Variants in POLR1C observed in about 807,000 individuals in gnomAD.
The protein encoded by POLR1C is DNA-directed RNA polymerases I and III subunit RPAC1.
POLR1C carries 42 observed loss-of-function variants against 38.3 expected under a neutral mutation model. The ratio of observed to expected loss-of-function variants is 1.10; its 90% confidence interval spans 0.86 to 1.42. POLR1C has a LOEUF of 1.42. Among genes scored for constraint, POLR1C ranks in the 40% most tolerant of loss-of-function variants. The pLI is 0.00. For synonymous variants in POLR1C, 163 were observed against 163.9 expected, an observed-to-expected ratio of 0.99 and a Z score of 0.04; for missense variants, 507 against 450.5, an observed-to-expected ratio of 1.13 and a Z score of -1.14.
At chr6:43,536,658 G>A (rs1794341230) in intron 9 of POLR1C, among the ~76,000 whole-genome samples, 1 of 149,502 alleles carries the variant, frequency 6.7e-6, no homozygotes, top group Non-Finnish European at 1.5e-5. Context: ...TACTCAGGAG[G>A]CTGAGGTAGG....
chr6:43,517,890 G>C (rs1447945404), intron 2 of POLR1C, among the ~76,000 whole-genome samples: 1 of 152,106 alleles, frequency 6.6e-6, no homozygotes, highest in East Asian at 1.9e-4. Context: ...ATAGATTACT[G>C]AATGTTACCG....
chr6:43,524,556 C>T (rs1793425745), downstream of POLR1C: 1 of 1,613,998 alleles, frequency 6.2e-7, no homozygotes, highest in Non-Finnish European at 8.5e-7. Flanking sequence ...TAAAAGCTTG[C>T]AGTCAAACTG....
chr6:43,526,615 G>A, intron 8 of POLR1C: 1 of 1,569,122 alleles, frequency 6.4e-7, no homozygotes. Flanking sequence ...CAAGGAAACT[G>A]ACCTGGTTCA....
chr6:43,530,673 CTT>C, downstream of POLR1C: 1 of 1,611,130 alleles, frequency 6.2e-7, no homozygotes, highest in African/African-American at 1.3e-5. Context: ...TATGTAGAGA[CTT>C]TTGAAAGGAT....
At chr6:43,527,649 C>G in intron 8 of POLR1C, 1 of 1,613,998 alleles carries the variant, frequency 6.2e-7, no homozygotes. Flanking sequence ...AGGTCCATGA[C>G]TTCTCGGGTT....
In POLR1C at chr6:43,526,581, G is replaced by A. The variant is rs1150800; in HGVS notation, c.923-2668G>A. The A allele has an allele frequency of 2.8e-4, 360 of 1,264,214 alleles. 1 individual carries two copies. Among genetic ancestry groups the A allele is most frequent in the Non-Finnish European group, 3.9e-4 (345 of 882,604 alleles). The allele number at this position is 1,264,214 out of a possible 1,614,324, so 78.3% of individuals were successfully genotyped here. The stretch of plus-strand genomic sequence containing the variant: ...GGTCCAGAGATGATAACTACATGTA[G>A]GGTGTCTTCTCCTCACCAGACTGCA... On this transcript the variant is annotated intron_variant, in intron 8 of 8. Coordinates refer to the POLR1C transcript ENST00000304004.
rs868489365 is a variant in POLR1C at position 43,553,151 on chromosome 6, A to G, written c.*48+2140A>G. ...CAACACAGACTCCATTTTTATTATA[A>G]ATTAGCCAGGTGTGGTGGCAAGTAA... On this transcript the variant is annotated intron_variant, in intron 10 of 10. Transcript: ENST00000607635. 2.6e-5 allele frequency among the ~76,000 whole-genome samples: 4 copies of G among 152,076 alleles called. No individual in the cohort carries two copies. The South Asian group carries it at 8.3e-4, about 32-fold the overall frequency.
chr6:43,548,239 C>A, intron 9 of POLR1C: 1 of 1,562,630 alleles, frequency 6.4e-7, no homozygotes. Flanking sequence ...TAGTAAGAGT[C>A]AGGGCAAGGG....
At position 43,561,034 on chromosome 6, in the gene POLR1C, G is replaced by A. The variant is rs80346004; in HGVS notation, c.*49-366G>A. 3.9e-4 allele frequency: 602 copies of A among 1,562,884 alleles called. 2 individuals carry two copies. In the East Asian group the frequency reaches 9.8e-3, roughly 25 times the overall value. ...TGTAGGAGAAGACCACTATATTAAC[G>A]GTGTTGATCGAGAAAAGCAGGAGAG... On this transcript the variant is annotated intron_variant, in intron 10 of 10. Coordinates refer to the POLR1C transcript ENST00000607635.
At chr6:43,547,628 A>G in intron 9 of POLR1C, 1 of 1,614,032 alleles carries the variant, frequency 6.2e-7, no homozygotes, top group Non-Finnish European at 8.5e-7. Flanking sequence ...TTTAAGCCAC[A>G]CGGATCCTCC....
At chr6:43,524,055 T>A (rs1471795346), downstream of POLR1C, 2 of 1,592,252 alleles carry the variant, frequency 1.3e-6, no homozygotes, top group Admixed American at 1.7e-5. Flanking sequence ...CAGTAGTAGT[T>A]AAAAGATTCT....
chr6:43,549,671 T>C (rs1190388492), intron 9 of POLR1C: 13 of 1,425,560 alleles, frequency 9.1e-6, no homozygotes, highest in Non-Finnish European at 1.2e-5. Flanking sequence ...CAGGGGCAAA[T>C]TCACAATGAT....
intron 9 of POLR1C, among the ~76,000 whole-genome samples, chr6:43,550,294 A>G (rs1023966653): frequency 2.0e-5 from 3 of 152,142 alleles, no homozygotes; most frequent in African/African-American, 7.2e-5. Context: ...CCTCATTCCA[A>G]TGAAATATGG....
downstream of POLR1C, chr6:43,533,850 G>A (rs78162110): frequency 7.6e-7 from 1 of 1,322,432 alleles, no homozygotes; most frequent in Non-Finnish European, 1.1e-6. Flanking sequence ...AACAAAAAAA[G>A]GGGACATCCA....
At chr6:43,542,172 C>CT (rs1401039615) in intron 9 of POLR1C, among the ~76,000 whole-genome samples, 1 of 151,742 alleles carries the variant, frequency 6.6e-6, no homozygotes, top group Non-Finnish European at 1.5e-5. Flanking sequence ...TTTTTTTTCT[C>CT]TAAGGAGCTT....
chr6:43,522,159 A>C (rs1472119954), downstream of POLR1C, among the ~76,000 whole-genome samples: 1 of 152,220 alleles, frequency 6.6e-6, no homozygotes, highest in East Asian at 1.9e-4. Flanking sequence ...TGGGCTGCCT[A>C]GTCTGGGTAT....
At position 43,543,408 on chromosome 6, in the gene POLR1C, G is replaced by A. The variant is rs1319641865; in HGVS notation, c.*5-7560G>A. On this transcript the variant is annotated intron_variant, in intron 9 of 10. Coordinates refer to the POLR1C transcript ENST00000607635. ...GTCGAGGCTGCAGTGAGCCGTGATC[G>A]CAACACTGCACCCCAACCTGGGCGA... Among the ~76,000 whole-genome samples, 5 of 152,246 alleles carry A rather than the reference G, an allele frequency of 3.3e-5. No homozygotes were observed. In the South Asian group the frequency reaches 6.2e-4, roughly 19 times the overall value.
chr6:43,561,736 A>G (rs551705778), exon 11 of POLR1C: 1 of 153,410 alleles, frequency 6.5e-6, no homozygotes, highest in African/African-American at 2.4e-5. Context: ...ACCACCACAA[A>G]AAGATATAAC....
chr6:43,531,847 A>G (rs1561866791), downstream of POLR1C, among the ~76,000 whole-genome samples: 1 of 152,162 alleles, frequency 6.6e-6, no homozygotes, highest in Non-Finnish European at 1.5e-5. Flanking sequence ...TGACAACTCA[A>G]AAGTATTTTT....
Sources: allele counts gnomAD v4.1 joint callset (sites outside exome capture counted in the v4.1 genomes callset), GRCh38; gene constraint gnomAD v4.1.1; transcripts MANE v1.5; gene names NCBI Gene and HGNC (gene_info 2026-07-23, HGNC 2026-07-21).